The following SCOC variants were observed in gnomAD, a reference collection of about 807,000 sequenced individuals.
The protein encoded by SCOC is short coiled-coil protein, also known as short coiled coil protein.
SCOC carries 7 observed loss-of-function variants against 9.9 expected under a neutral mutation model. The observed-to-expected ratio is 0.71, with a 90% CI of 0.40 to 1.33. The LOEUF (loss-of-function observed/expected upper bound fraction) is 1.33, where lower values mean the gene tolerates loss of function less well. SCOC is among the 40% of genes most tolerant of loss of function. SCOC has a pLI of 0.01. For missense variants in SCOC, 66 were observed against 89.7 expected, an observed-to-expected ratio of 0.74 and a Z score of 1.07; for synonymous variants, 19 against 28.2, an observed-to-expected ratio of 0.67 and a Z score of 1.03.
intron 1 of SCOC, among the ~76,000 whole-genome samples, chr4:140,287,443 T>TA (rs1055022287): frequency 6.9e-6 from 1 of 144,896 alleles, no homozygotes; most frequent in African/African-American, 2.6e-5. Context: ...CACATACATA[T>TA]ACCATGTACA....
At chr4:140,273,580 G>C (rs890139658) in intron 1 of SCOC, among the ~76,000 whole-genome samples, 5 of 151,844 alleles carry the variant, frequency 3.3e-5, no homozygotes, top group African/African-American at 9.7e-5. Context: ...TCTGTGAAAT[G>C]AACATGTCTG....
chr4:140,286,015 T>C (rs1332889454), intron 1 of SCOC, among the ~76,000 whole-genome samples: 1 of 151,892 alleles, frequency 6.6e-6, no homozygotes, highest in Non-Finnish European at 1.5e-5. Context: ...CGAAATCCCA[T>C]CTCTACTAAA....
At chr4:140,377,871 A>G (rs951871261) in intron 1 of SCOC, among the ~76,000 whole-genome samples, 11 of 152,204 alleles carry the variant, frequency 7.2e-5, no homozygotes, top group South Asian at 2.1e-4. Context: ...TGCCTTGGGC[A>G]TAGAAGATAT....
chr4:140,374,111 C>G, intron 1 of SCOC: 2 of 468,108 alleles, frequency 4.3e-6, no homozygotes, highest in South Asian at 3.1e-5. Context: ...CTTCCCGTGG[C>G]TGCTCTGCGA....
intron 1 of SCOC, among the ~76,000 whole-genome samples, chr4:140,261,565 G>A (rs1477172082): frequency 2.0e-5 from 3 of 152,192 alleles, no homozygotes; most frequent in East Asian, 1.9e-4. Flanking sequence ...GAAATATTTA[G>A]TGAGTACTCC....
At chr4:140,362,326 C>CGCTCTGCTGCCCA (rs1334571588) in intron 2 of SCOC, among the ~76,000 whole-genome samples, 2 of 85,072 alleles carry the variant, frequency 2.4e-5, no homozygotes, top group Non-Finnish European at 5.0e-5. Flanking sequence ...GTGAGAGTCT[C>CGCTCTGCTGCCCA]GCTCTGCTGC....
At chr4:140,362,492 A>G (rs996659838) in intron 2 of SCOC, among the ~76,000 whole-genome samples, 1 of 149,994 alleles carries the variant, frequency 6.7e-6, no homozygotes, top group African/African-American at 2.5e-5. Context: ...ACAGGGTTTC[A>G]CTATATTGGC....
At chr4:140,365,836 T>C (rs924015209) in intron 2 of SCOC, among the ~76,000 whole-genome samples, 2 of 152,256 alleles carry the variant, frequency 1.3e-5, no homozygotes, top group Non-Finnish European at 2.9e-5. Flanking sequence ...ATACAAAATA[T>C]GTGTTAATTG....
At chr4:140,334,564 T>C (rs984529179) in intron 1 of SCOC, among the ~76,000 whole-genome samples, 3 of 152,166 alleles carry the variant, frequency 2.0e-5, no homozygotes, top group Non-Finnish European at 2.9e-5. Context: ...AAACTGTTTT[T>C]TTTCCTAATT....
intron 1 of SCOC, among the ~76,000 whole-genome samples, chr4:140,266,614 G>A (rs997079175): frequency 6.6e-6 from 1 of 152,144 alleles, no homozygotes; most frequent in African/African-American, 2.4e-5. Context: ...TGGGGATGGG[G>A]CCTGAGTTCA....
At chr4:140,346,389 T>C (rs1578835403) in intron 2 of SCOC, among the ~76,000 whole-genome samples, 1 of 152,144 alleles carries the variant, frequency 6.6e-6, no homozygotes, top group Non-Finnish European at 1.5e-5. Context: ...TAATTCTGAA[T>C]AGAAAGGCCT....
upstream of SCOC, among the ~76,000 whole-genome samples, chr4:140,343,283 TC>T (rs1726577465): frequency 6.6e-6 from 1 of 152,146 alleles, no homozygotes; most frequent in Non-Finnish European, 1.5e-5. Flanking sequence ...GTCAATTTCT[TC>T]CCCCAACCTT....
chr4:140,348,234 A>C lies in SCOC; in HGVS notation c.70+4526A>C, dbSNP rs144952235. Among the ~76,000 whole-genome samples the C allele has an allele frequency of 2.6e-4, 39 of 152,250 alleles. No individual in the cohort carries two copies. In the East Asian group the frequency reaches 5.2e-3, roughly 20 times the overall value. On this transcript the variant is annotated intron_variant, in intron 2 of 4. Coordinates refer to the SCOC transcript ENST00000338517. ...ATTGTTTTTAACTATAGTTGCCGTG[A>C]TGTACAAAAGATCTCTTAAATTTAT...
chr4:140,342,644 G>A (rs1050192411), upstream of SCOC, among the ~76,000 whole-genome samples: 8 of 152,160 alleles, frequency 5.3e-5, no homozygotes, highest in Non-Finnish European at 1.0e-4. Context: ...GTAGCATGTA[G>A]TAACAATTTT....
intron 1 of SCOC, among the ~76,000 whole-genome samples, chr4:140,261,072 C>T (rs1393774951): frequency 6.6e-6 from 1 of 152,184 alleles, no homozygotes; most frequent in Non-Finnish European, 1.5e-5. Context: ...GAGTTAGGTA[C>T]TAAGGTAGAT....
chr4:140,380,194 CTTTTTTTTTTTTTTT>C, intron 3 of SCOC, among the ~76,000 whole-genome samples: 1 of 108,422 alleles, frequency 9.2e-6, no homozygotes, highest in South Asian at 3.1e-4. Context: ...TTTTCTTTTT[CTTTTTTTTTTTTTTT>C]TTTTTTGAGA....
chr4:140,324,682 A>G (rs1272074080), intron 1 of SCOC, among the ~76,000 whole-genome samples: 1 of 152,156 alleles, frequency 6.6e-6, no homozygotes, highest in Non-Finnish European at 1.5e-5. Flanking sequence ...GGTATTAAAG[A>G]AAAATCTAAA....
At chr4:140,348,341 T>C (rs570556125) in intron 2 of SCOC, among the ~76,000 whole-genome samples, 64 of 152,290 alleles carry the variant, frequency 4.2e-4, no homozygotes, top group African/African-American at 1.3e-3. Context: ...ATAATCATCA[T>C]TGTACTGTCT....
chr4:140,301,586 C>T (rs1731811454), intron 1 of SCOC, among the ~76,000 whole-genome samples: 1 of 152,156 alleles, frequency 6.6e-6, no homozygotes, highest in South Asian at 2.1e-4. Flanking sequence ...ACGTTCTGGA[C>T]CTGCTGGAGT....
Sources: gnomAD v4.1 joint callset for allele counts (sites outside exome capture counted in the v4.1 genomes callset) on GRCh38, gnomAD v4.1.1 for gene constraint, MANE v1.5 for transcripts, NCBI Gene and HGNC (gene_info 2026-07-23, HGNC 2026-07-21) for gene names.